Variants in NSD2 observed in about 807,000 individuals in gnomAD.
The protein encoded by NSD2 is histone-lysine N-methyltransferase NSD2.
Under a neutral mutation model 139.0 loss-of-function variants are expected in NSD2, and 12 were observed. That is an observed-to-expected ratio of 0.09 (90% CI 0.06 to 0.14). NSD2 has a LOEUF of 0.14. Among genes scored for constraint, NSD2 ranks in the 10% least tolerant of loss-of-function variants. The probability of loss-of-function intolerance (pLI) is 1.00; values close to 1 mark genes in which losing one functional copy is unlikely to be tolerated. For missense variants in NSD2, 1,155 were observed against 1,745.0 expected, an observed-to-expected ratio of 0.66 and a Z score of 6.02; for synonymous variants, 669 against 648.7, an observed-to-expected ratio of 1.03 and a Z score of -0.48.
At chr4:1,936,796 T>C (rs1480149701) in intron 7 of NSD2, among the ~76,000 whole-genome samples, 2 of 152,106 alleles carry the variant, frequency 1.3e-5, no homozygotes, top group Non-Finnish European at 2.9e-5. Flanking sequence ...GGAAAATACA[T>C]CTCACATATT....
chr4:1,951,873 C>T (rs1489020839), intron 10 of NSD2: 2 of 554,644 alleles, frequency 3.6e-6, no homozygotes, highest in Non-Finnish European at 6.1e-6. Context: ...CCTGTTACTT[C>T]CTTTGCCATT....
intron 15 of NSD2, 136 bp from the exon 16 acceptor site, chr4:1,957,797 C>T (rs551921535): frequency 3.7e-6 from 3 of 814,500 alleles, no homozygotes; most frequent in Non-Finnish European, 5.8e-6. Flanking sequence ...GACAGTTGTT[C>T]ATAGACTCTA....
At position 1,890,392 on chromosome 4, in the gene NSD2, G is replaced by A. The variant is rs1321601542; in HGVS notation, c.-29-10234G>A. 2.0e-4 allele frequency among the ~76,000 whole-genome samples: 31 copies of A among 151,426 alleles called. 1 individual carries two copies. The highest frequency in any genetic ancestry group is 2.0e-3 in the Admixed American group (30 of 15,208). On this transcript the variant is annotated intron_variant, in intron 1 of 21. Coordinates refer to ENST00000508803, the MANE Select transcript of NSD2 (RefSeq NM_001042424.3). ...CGGCTCACTGCAAGCTCCGCCTCCC[G>A]GGTTCACGCCATTCTCCTGCCTCAG...
intron 6 of NSD2, among the ~76,000 whole-genome samples, chr4:1,932,439 CAAAAAAA>C (rs776037394): frequency 2.4e-4 from 16 of 65,394 alleles, no homozygotes; most frequent in South Asian, 5.1e-4. Flanking sequence ...AGTCAATCTC[CAAAAAAA>C]AAAAAAAAAA....
intron 9 of NSD2, chr4:1,941,508 C>A: frequency 9.6e-7 from 1 of 1,044,728 alleles, no homozygotes; most frequent in Non-Finnish European, 1.2e-6. Flanking sequence ...TTGTCCTGAC[C>A]TTGAGAAGAC....
intron 1 of NSD2, among the ~76,000 whole-genome samples, chr4:1,882,312 G>C (rs192283246): frequency 2.1e-4 from 32 of 152,264 alleles, no homozygotes; most frequent in African/African-American, 7.5e-4. Flanking sequence ...GTGCTTTATC[G>C]TGTTCCCTTT....
chr4:1,922,017 G>T (rs1720207754), intron 5 of NSD2, among the ~76,000 whole-genome samples: 1 of 152,020 alleles, frequency 6.6e-6, no homozygotes, highest in Non-Finnish European at 1.5e-5. Flanking sequence ...GCGTGGTGAT[G>T]CGCGCTTGTA....
chr4:1,914,692 G>C (rs1719125761), intron 3 of NSD2, among the ~76,000 whole-genome samples: 1 of 152,180 alleles, frequency 6.6e-6, no homozygotes, highest in Non-Finnish European at 1.5e-5. Context: ...ATTTTATGTT[G>C]AGAAGAATTC....
chr4:1,946,039 T>C, intron 9 of NSD2: 1 of 1,036,146 alleles, frequency 9.7e-7, no homozygotes, highest in Non-Finnish European at 1.2e-6. Context: ...CATTTTATGC[T>C]TTTAAAATCA....
At chr4:1,938,418 T>C in intron 7 of NSD2, 33 bp from the exon 8 acceptor site, 3 of 449,652 alleles carry the variant, frequency 6.7e-6, no homozygotes, top group Non-Finnish European at 6.4e-6. Context: ...TTTTCTTTCT[T>C]TTTTTTTTTT....
At chr4:1,945,991 C>A in intron 9 of NSD2, 1 of 1,047,672 alleles carries the variant, frequency 9.5e-7, no homozygotes. Flanking sequence ...TGTATACAGA[C>A]CAGGTGAGAG....
At chr4:1,878,201 C>T (rs1342672151) in intron 1 of NSD2, among the ~76,000 whole-genome samples, 2 of 123,056 alleles carry the variant, frequency 1.6e-5, no homozygotes, top group Non-Finnish European at 3.2e-5. Context: ...GCTGGGATTA[C>T]GGGTGTGTGC....
chr4:1,945,386 C>T (rs868851828), intron 9 of NSD2: 2 of 1,062,874 alleles, frequency 1.9e-6, no homozygotes, highest in Non-Finnish European at 2.3e-6. Flanking sequence ...CTTGCTTGCC[C>T]ATGGTGTGTG....
intron 2 of NSD2, 64 bp downstream of exon 2, chr4:1,901,315 A>T (rs927467778): frequency 1.4e-6 from 2 of 1,386,400 alleles, no homozygotes; most frequent in Non-Finnish European, 2.0e-6. Flanking sequence ...CCACCCTATG[A>T]GGGCACCTGC....
intron 18 of NSD2, among the ~76,000 whole-genome samples, chr4:1,961,865 C>T (rs1435275151): frequency 6.6e-6 from 1 of 152,220 alleles, no homozygotes; most frequent in African/African-American, 2.4e-5. Context: ...GTGTGGCCTC[C>T]TTAGTGCCTG....
chr4:1,956,246 AATTTC>A lies in NSD2; in HGVS notation c.2881+59_2881+63del. The A allele has an allele frequency of 7.0e-7, 1 of 1,433,306 alleles. No homozygotes were observed. The highest frequency in any genetic ancestry group is 1.5e-5 in the South Asian group (1 of 68,900). 88.8% of individuals were successfully genotyped at this position (1,433,306 alleles called of 1,614,324 possible). ...CACTCTCGTGCATTTTCTTACCCCT[AATTTC>A]TATTTTTTAAAATTTGATCTTTATA... On this transcript the variant is annotated intron_variant, in intron 15 of 21. Transcript: ENST00000508803. This position sits in a 1 kb window ranked among gnomAD's most constrained non-coding sequence, Gnocchi z 5.3.
intron 1 of NSD2, among the ~76,000 whole-genome samples, chr4:1,895,584 A>AT (rs1424901539): frequency 1.3e-5 from 2 of 152,054 alleles, no homozygotes; most frequent in Non-Finnish European, 2.9e-5. Context: ...GAAAACAGTA[A>AT]TTTCCTGTTC....
intron 8 of NSD2, 138 bp downstream of exon 8, chr4:1,938,670 G>C: frequency 1.7e-6 from 1 of 585,902 alleles, no homozygotes; most frequent in Non-Finnish European, 2.8e-6. Context: ...AATTAAGCTA[G>C]GAGTGAAAAA....
chr4:1,900,321 A>T (rs1432348892), intron 1 of NSD2, among the ~76,000 whole-genome samples: 1 of 152,172 alleles, frequency 6.6e-6, no homozygotes, highest in Non-Finnish European at 1.5e-5. Flanking sequence ...TTGGCAAGTT[A>T]AGTTATGTGT....
Sources: gnomAD v4.1 joint callset for allele counts (sites outside exome capture counted in the v4.1 genomes callset) on GRCh38, gnomAD v4.1.1 for gene constraint, Gnocchi (gnomAD v3.1) non-coding constraint, MANE v1.5 for transcripts, NCBI Gene and HGNC (gene_info 2026-07-23, HGNC 2026-07-21) for gene names.